Variants in FOXO3 observed in about 807,000 individuals in gnomAD.
The protein encoded by FOXO3 is forkhead box protein O3.
Under a neutral mutation model 41.9 loss-of-function variants are expected in FOXO3, and 4 were observed. The observed-to-expected ratio is 0.10, with a 90% CI of 0.05 to 0.22. The LOEUF is 0.22. Among genes scored for constraint, FOXO3 ranks in the 10% least tolerant of loss-of-function variants. The pLI, the probability that FOXO3 is intolerant of heterozygous loss-of-function variation, is 1.00. For missense variants in FOXO3, 534 were observed against 906.8 expected, an observed-to-expected ratio of 0.59 and a Z score of 5.28; for synonymous variants, 318 against 389.3, an observed-to-expected ratio of 0.82 and a Z score of 2.16.
intron 1 of FOXO3, among the ~76,000 whole-genome samples, chr6:108,578,166 A>C (rs1276230967): frequency 6.6e-6 from 1 of 152,182 alleles, no homozygotes; most frequent in East Asian, 1.9e-4. Flanking sequence ...CGTCAGCATC[A>C]CATAGGAACT....
intron 1 of FOXO3, among the ~76,000 whole-genome samples, chr6:108,577,512 A>G (rs868312355): frequency 1.3e-5 from 2 of 152,188 alleles, no homozygotes; most frequent in Non-Finnish European, 2.9e-5. Flanking sequence ...TTACTCCAAC[A>G]TCAGTGGTTT....
chr6:108,649,069 G>A (rs541186706), intron 1 of FOXO3, among the ~76,000 whole-genome samples: 4 of 142,764 alleles, frequency 2.8e-5, no homozygotes, highest in Non-Finnish European at 4.6e-5. Flanking sequence ...CCTACCAGAC[G>A]CCAAACTCTT....
At chr6:108,592,699 C>T (rs1776761226) in intron 1 of FOXO3, among the ~76,000 whole-genome samples, 1 of 152,150 alleles carries the variant, frequency 6.6e-6, no homozygotes, top group African/African-American at 2.4e-5. Flanking sequence ...TTCCTCACAC[C>T]TGTCCAAGCT....
chr6:108,661,113 G>A (rs545945372), intron 1 of FOXO3, among the ~76,000 whole-genome samples: 1 of 151,822 alleles, frequency 6.6e-6, no homozygotes, highest in Non-Finnish European at 1.5e-5. Flanking sequence ...GTGGTGGCAC[G>A]CACCTGTAAC....
intron 1 of FOXO3, chr6:108,639,593 G>A (rs980921416): frequency 1.2e-5 from 12 of 985,118 alleles, no homozygotes; most frequent in Non-Finnish European, 1.4e-5. Flanking sequence ...AGTGGAGGTG[G>A]ACCCTGCCTC....
intron 1 of FOXO3, among the ~76,000 whole-genome samples, chr6:108,586,963 T>TTAC (rs1284217509): frequency 6.8e-6 from 1 of 147,108 alleles, no homozygotes; most frequent in African/African-American, 2.5e-5. Context: ...ATTATTATTA[T>TTAC]TATTATTATT....
intron 1 of FOXO3, among the ~76,000 whole-genome samples, chr6:108,608,488 T>G (rs1034982106): frequency 6.6e-6 from 1 of 152,180 alleles, no homozygotes; most frequent in Non-Finnish European, 1.5e-5. Flanking sequence ...TGCAGAACTT[T>G]TTGGGTTAAA....
chr6:108,658,713 C>T (rs888925482), intron 1 of FOXO3, among the ~76,000 whole-genome samples: 18 of 152,022 alleles, frequency 1.2e-4, no homozygotes, highest in African/African-American at 3.1e-4. Flanking sequence ...TGTGAGCCAC[C>T]GTGCCTGGCC....
intron 1 of FOXO3, among the ~76,000 whole-genome samples, chr6:108,573,852 T>C (rs916217842): frequency 4.6e-5 from 7 of 150,810 alleles, no homozygotes; most frequent in African/African-American, 1.5e-4. Context: ...GTAATGATAA[T>C]AATAAAGACT....
chr6:108,622,348 C>T (rs1399914480), intron 1 of FOXO3, among the ~76,000 whole-genome samples: 4 of 149,494 alleles, frequency 2.7e-5, no homozygotes, highest in Non-Finnish European at 4.4e-5. Flanking sequence ...AGCTTTCTAT[C>T]TTGCTTTGTA....
At chr6:108,619,011 T>C (rs1280895042) in intron 1 of FOXO3, among the ~76,000 whole-genome samples, 1 of 152,224 alleles carries the variant, frequency 6.6e-6, no homozygotes, top group African/African-American at 2.4e-5. Context: ...TTGTCTCATA[T>C]GTTTCACTGT....
At chr6:108,648,527 G>A (rs1440999321) in intron 1 of FOXO3, among the ~76,000 whole-genome samples, 4 of 152,264 alleles carry the variant, frequency 2.6e-5, no homozygotes, top group African/African-American at 9.6e-5. Context: ...TCAGAGTGCT[G>A]GAGCCATGTA....
intron 2 of FOXO3, among the ~76,000 whole-genome samples, chr6:108,677,611 T>G (rs1770665363): frequency 6.6e-6 from 1 of 152,186 alleles, no homozygotes; most frequent in Non-Finnish European, 1.5e-5. Flanking sequence ...GCGCTTACAG[T>G]AAGTCAGGAT....
chr6:108,663,419 C>T (rs1778929876), intron 1 of FOXO3, 36 bp from the exon 2 acceptor site: 2 of 1,554,464 alleles, frequency 1.3e-6, no homozygotes, highest in East Asian at 2.3e-5. Flanking sequence ...TTGGACCATT[C>T]TGGTTCATAC....
chr6:108,586,061 C>T (rs1391180703), intron 1 of FOXO3, among the ~76,000 whole-genome samples: 1 of 152,224 alleles, frequency 6.6e-6, no homozygotes, highest in Non-Finnish European at 1.5e-5. Context: ...GGCCTCAAGC[C>T]TCTGGAAAAG....
In FOXO3 at chr6:108,626,326, G is replaced by A. The variant is rs371307875; in HGVS notation, c.622-37129G>A. Among the ~76,000 whole-genome samples the A allele has an allele frequency of 6.6e-5, 10 of 152,284 alleles. No homozygotes were observed. In the East Asian group the frequency reaches 1.7e-3, roughly 26 times the overall value. On this transcript the variant is annotated intron_variant, in intron 1 of 2. Coordinates refer to ENST00000406360, the MANE Select transcript of FOXO3 (RefSeq NM_001455.4). Reference sequence around the variant, plus strand: ...AGTTGAGGGTCTGATCTCAGAGGACGCAGGTTGTGTTGCCAGCCCAGATAC... The same window carrying A: ...AGTTGAGGGTCTGATCTCAGAGGACACAGGTTGTGTTGCCAGCCCAGATAC...
rs149189425 is a variant in FOXO3 at position 108,561,730 on chromosome 6, G to A, written c.522G>A (p.Pro174=). Residue 174 remains proline, a synonymous_variant, in exon 1 of 3, where the codon CCG becomes CCA. Transcript: ENST00000406360. ...TCACCCGCGCCATCGAGAGCTCCCCGGACAAACGGCTCACTCTGTCCCAGA... is the reference window on the plus strand; with the variant it reads ...TCACCCGCGCCATCGAGAGCTCCCCAGACAAACGGCTCACTCTGTCCCAGA... ...DLITRAIESS[P]DKRLTLSQIY... 7 of 1,610,144 alleles carry A rather than the reference G, an allele frequency of 4.3e-6. No homozygotes were observed. In the African/African-American group the frequency reaches 6.7e-5, roughly 15 times the overall value.
chr6:108,560,898 C>G (rs1158194492), upstream of FOXO3: 2 of 1,143,584 alleles, frequency 1.7e-6, no homozygotes, highest in Non-Finnish European at 2.2e-6. Context: ...GCGGCTCCAT[C>G]GCGGCCTGGC....
At chr6:108,634,083 AT>A (rs1227433374) in intron 1 of FOXO3, among the ~76,000 whole-genome samples, 2 of 152,140 alleles carry the variant, frequency 1.3e-5, no homozygotes, top group African/African-American at 4.8e-5. Flanking sequence ...ATGTGGTTTC[AT>A]TTATTGGCTA....
Sources: gnomAD v4.1 joint callset for allele counts (sites outside exome capture counted in the v4.1 genomes callset) on GRCh38, gnomAD v4.1.1 for gene constraint, MANE v1.5 for transcripts, NCBI Gene and HGNC (gene_info 2026-07-23, HGNC 2026-07-21) for gene names.